The following SFMBT2 variants were observed in gnomAD, a reference collection of about 807,000 sequenced individuals.
SFMBT2 encodes Scm like with four mbt domains 2, also known as scm-like with four MBT domains protein 2.
Under a neutral mutation model 110.1 loss-of-function variants are expected in SFMBT2, and 38 were observed. The observed-to-expected ratio is 0.35, with a 90% CI of 0.27 to 0.45. The LOEUF (loss-of-function observed/expected upper bound fraction) is 0.45, where lower values mean the gene tolerates loss of function less well. Among genes scored for constraint, SFMBT2 ranks in the 20% least tolerant of loss-of-function variants. The pLI, the probability that SFMBT2 is intolerant of heterozygous loss-of-function variation, is 1.00. For synonymous variants in SFMBT2, 425 were observed against 425.4 expected, an observed-to-expected ratio of 1.00 and a Z score of 0.01; for missense variants, 1,011 against 1,094.9, an observed-to-expected ratio of 0.92 and a Z score of 1.08.
intron 3 of SFMBT2, among the ~76,000 whole-genome samples, chr10:7,368,722 G>A (rs1770410982): frequency 6.6e-6 from 1 of 152,234 alleles, no homozygotes. Context: ...TGTGATCAAT[G>A]TCTCTTTCCT....
chr10:7,238,264 G>C (rs970693512), intron 9 of SFMBT2, among the ~76,000 whole-genome samples: 34 of 152,204 alleles, frequency 2.2e-4, no homozygotes, highest in African/African-American at 8.2e-4. Flanking sequence ...GTGAGACTCT[G>C]AAAATGTGGA....
intron 4 of SFMBT2, among the ~76,000 whole-genome samples, chr10:7,326,135 T>C (rs1302063256): frequency 6.6e-6 from 1 of 152,242 alleles, no homozygotes; most frequent in East Asian, 1.9e-4. Flanking sequence ...ACAACTCTTG[T>C]TAAGCTTCCA....
chr10:7,340,701 T>A (rs1160482473), intron 4 of SFMBT2, among the ~76,000 whole-genome samples: 1 of 141,826 alleles, frequency 7.1e-6, no homozygotes, highest in Non-Finnish European at 1.5e-5. Context: ...AGCTTCTGAG[T>A]ATCACTAGAT....
At chr10:7,405,912 G>C (rs1450227214) in intron 1 of SFMBT2, among the ~76,000 whole-genome samples, 1 of 142,412 alleles carries the variant, frequency 7.0e-6, no homozygotes, top group East Asian at 2.2e-4. Context: ...TACACACATT[G>C]ACTTCCTGGT....
chr10:7,333,463 G>A (rs1173089751), intron 4 of SFMBT2, among the ~76,000 whole-genome samples: 1 of 150,206 alleles, frequency 6.7e-6, no homozygotes, highest in South Asian at 2.1e-4. Flanking sequence ...CATGATCATA[G>A]CTCACTACCA....
intron 7 of SFMBT2, among the ~76,000 whole-genome samples, chr10:7,269,715 CGTGTGTGTGTGT>C (rs35063251): frequency 2.2e-3 from 85 of 38,540 alleles, no homozygotes; most frequent in South Asian, 8.9e-3. Flanking sequence ...TAAGTGTGTG[CGTGTGTGTGTGT>C]GTGTGTGTGT....
intron 11 of SFMBT2, among the ~76,000 whole-genome samples, chr10:7,215,303 G>A (rs1187811481): frequency 6.6e-6 from 1 of 152,194 alleles, no homozygotes; most frequent in Admixed American, 6.5e-5. Flanking sequence ...TACTCAGGAG[G>A]CTGAGGTGGA....
intron 9 of SFMBT2, among the ~76,000 whole-genome samples, chr10:7,236,323 T>G (rs2131699090): frequency 6.6e-6 from 1 of 152,210 alleles, no homozygotes; most frequent in East Asian, 1.9e-4. Flanking sequence ...TGTACAAGAA[T>G]GGCCTGCCAA....
intron 9 of SFMBT2, among the ~76,000 whole-genome samples, chr10:7,239,673 T>C (rs1221396559): frequency 6.6e-6 from 1 of 152,212 alleles, no homozygotes; most frequent in Non-Finnish European, 1.5e-5. Context: ...TTCCCTAAAA[T>C]TGTAATTCTC....
intron 4 of SFMBT2, among the ~76,000 whole-genome samples, chr10:7,313,273 T>G (rs1413185163): frequency 6.6e-6 from 1 of 152,004 alleles, no homozygotes; most frequent in Admixed American, 6.6e-5. Flanking sequence ...GCAATTGCAC[T>G]GTGTATGGTA....
In SFMBT2 at chr10:7,172,386, C is replaced by A. The variant is rs574684817; in HGVS notation, c.2151+109G>T. On this transcript the variant is annotated intron_variant, in intron 18 of 20. Transcript: ENST00000397167. This position sits in a 1 kb window ranked among gnomAD's most constrained non-coding sequence, Gnocchi z 4.6. ...GGGGGCTCTTCTTCAGTGTTTCTGACCATCTTGCCACAATCTCCAGGGCCA... is the reference window on the plus strand; with the variant it reads ...GGGGGCTCTTCTTCAGTGTTTCTGAACATCTTGCCACAATCTCCAGGGCCA... The A allele has an allele frequency of 6.4e-7, 1 of 1,561,296 alleles. No individual in the cohort carries two copies. Among genetic ancestry groups the A allele is most frequent in the African/African-American group, 1.4e-5 (1 of 73,496 alleles).
intron 4 of SFMBT2, among the ~76,000 whole-genome samples, chr10:7,363,219 G>C (rs1442469031): frequency 6.6e-6 from 1 of 152,140 alleles, no homozygotes; most frequent in African/African-American, 2.4e-5. Flanking sequence ...GTTTTATAAA[G>C]GGAAATTCCC....
chr10:7,233,757 G>C (rs1410597247), intron 9 of SFMBT2, among the ~76,000 whole-genome samples: 1 of 152,186 alleles, frequency 6.6e-6, no homozygotes, highest in Non-Finnish European at 1.5e-5. Flanking sequence ...TCAAGCCCAA[G>C]TTTTTGTTGT....
intron 15 of SFMBT2, chr10:7,189,156 A>C (rs760173643): frequency 7.3e-5 from 72 of 985,312 alleles, no homozygotes; most frequent in Admixed American, 1.2e-4. Context: ...CAATCTACTC[A>C]TGCCAACACT....
chr10:7,384,663 G>C (rs554497690), intron 1 of SFMBT2, among the ~76,000 whole-genome samples: 2 of 152,256 alleles, frequency 1.3e-5, no homozygotes, highest in African/African-American at 2.4e-5. Flanking sequence ...GATTTTTGCT[G>C]TTGTTGTTAA....
rs1176852921 is a variant in SFMBT2, at chr10:7,408,044, A to G, written c.-52+2817T>C. 6.6e-6 allele frequency among the ~76,000 whole-genome samples: 1 copy of G among 152,234 alleles called. No individual in the cohort carries two copies. The highest frequency in any genetic ancestry group is 1.5e-5 in the Non-Finnish European group (1 of 68,048). ...TGGAATGTTCTTTGTAATCAACTGTACATCCGCTTCCACGGCACGGCCTCG... is the reference window on the plus strand; with the variant it reads ...TGGAATGTTCTTTGTAATCAACTGTGCATCCGCTTCCACGGCACGGCCTCG... On this transcript the variant is annotated intron_variant, in intron 1 of 20. Transcript: ENST00000397167. The surrounding 1 kb of genome is among the most constrained non-coding windows in gnomAD (Gnocchi z 5.7).
intron 1 of SFMBT2, among the ~76,000 whole-genome samples, chr10:7,386,016 A>C (rs1358983176): frequency 3.3e-5 from 5 of 152,068 alleles, no homozygotes; most frequent in African/African-American, 1.2e-4. Context: ...AACAAAAAAA[A>C]GCCCCTCTCC....
intron 1 of SFMBT2, among the ~76,000 whole-genome samples, chr10:7,403,942 TA>T (rs1846147687): frequency 6.6e-6 from 1 of 152,168 alleles, no homozygotes; most frequent in Non-Finnish European, 1.5e-5. Flanking sequence ...TTTTTAAAAG[TA>T]TTTGAAGGAC....
chr10:7,288,853 ACC>A (rs55956728), intron 4 of SFMBT2, among the ~76,000 whole-genome samples: 2,718 of 137,956 alleles, frequency 0.02, 74 homozygotes, highest in African/African-American at 0.067. Flanking sequence ...ATATGGTGAA[ACC>A]CCCCCCCCCA....
Sources: gnomAD v4.1 joint callset for allele counts (sites outside exome capture counted in the v4.1 genomes callset) on GRCh38, gnomAD v4.1.1 for gene constraint, Gnocchi (gnomAD v3.1) non-coding constraint, MANE v1.5 for transcripts, NCBI Gene and HGNC (gene_info 2026-07-23, HGNC 2026-07-21) for gene names.